The following RASGRP3 variants were observed in gnomAD, a reference collection of about 807,000 sequenced individuals.
RASGRP3 encodes the protein RAS guanyl releasing protein 3.
Under a neutral mutation model 82.7 loss-of-function variants are expected in RASGRP3, and 54 were observed. The ratio of observed to expected loss-of-function variants is 0.65; its 90% confidence interval spans 0.52 to 0.82. The LOEUF is 0.82. Ranked by LOEUF, RASGRP3 falls within the 40% of genes least tolerant of loss-of-function variation. The pLI is 0.00. For missense variants in RASGRP3, 861 were observed against 828.9 expected (o/e 1.04, Z -0.48); for synonymous variants, 309 against 300.5 (o/e 1.03, Z -0.29).
intron 1 of RASGRP3, among the ~76,000 whole-genome samples, chr2:33,483,486 A>ATTTTTT (rs202150682): frequency 3.2e-5 from 4 of 125,930 alleles, no homozygotes; most frequent in African/African-American, 1.2e-4. Flanking sequence ...TTTAGCCACT[A>ATTTTTT]TTTTTTTTTT....
chr2:33,503,060 A>C (rs957254509), intron 1 of RASGRP3, among the ~76,000 whole-genome samples: 3 of 152,212 alleles, frequency 2.0e-5, no homozygotes, highest in African/African-American at 7.2e-5. Flanking sequence ...TCCCATATGT[A>C]AATCTGTTAT....
intron 1 of RASGRP3, among the ~76,000 whole-genome samples, chr2:33,510,597 C>T (rs1481281926): frequency 3.3e-5 from 5 of 152,208 alleles, no homozygotes; most frequent in Admixed American, 6.5e-5. Context: ...TGGTCCTCTA[C>T]TTCAGGCCTC....
chr2:33,507,724 C>T (rs1019250229), intron 1 of RASGRP3, among the ~76,000 whole-genome samples: 1 of 152,178 alleles, frequency 6.6e-6, no homozygotes, highest in South Asian at 2.1e-4. Context: ...TGGGGTTTCA[C>T]CATGTTGGCC....
rs747457245 is a variant in RASGRP3, at chr2:33,507,431, T to C, written c.-260-4279T>C. On this transcript the variant is annotated intron_variant, in intron 1 of 17. Transcript: ENST00000403687. ...GAGAGTGTGAGTGGTGGGGCAGAGA[T>C]GCAGAAAGCCTAGTGGGGAAGGTGG... Among the ~76,000 whole-genome samples the C allele has an allele frequency of 3.7e-4, 56 of 152,112 alleles. 1 individual carries two copies. Among genetic ancestry groups the C allele is most frequent in the Non-Finnish European group, 4.1e-4 (28 of 68,022 alleles).
At chr2:33,556,535 C>T (rs1292395579) in intron 15 of RASGRP3, among the ~76,000 whole-genome samples, 2 of 88,566 alleles carry the variant, frequency 2.3e-5, no homozygotes, top group Non-Finnish European at 4.1e-5. Context: ...GCGTGAGCCA[C>T]CGCGCCCGGC....
intron 1 of RASGRP3, among the ~76,000 whole-genome samples, 165 bp downstream of exon 1, chr2:33,476,872 C>T (rs953598532): frequency 6.6e-6 from 1 of 151,316 alleles, no homozygotes; most frequent in Non-Finnish European, 1.5e-5. Flanking sequence ...TTATTTGTAC[C>T]TGTTAACAGC....
rs371780555 is a variant in RASGRP3, at chr2:33,543,599, G to A, written c.1366G>A (p.Asp456Asn). 5.2e-5 allele frequency: 83 copies of A among 1,606,106 alleles called. 1 individual carries two copies. The highest frequency in any genetic ancestry group is 3.3e-5 in the Admixed American group (2 of 59,840). ...ESIAANFPFL[D>N]SFCVLDKDQD... ...TATAGCTGCCAATTTTCCCTTCTTG[G>A]ATTCCTTCTGTGTTCTGGACAAAGA... is the stretch of plus-strand genomic sequence containing the variant. The change falls in exon 13 of 18, where the codon GAT (aspartate) becomes AAT (asparagine). Residue 456 changes from aspartate to asparagine, a missense_variant. By Grantham distance (23) the Asp-to-Asn change is conservative. Coordinates refer to ENST00000403687, the MANE Select transcript of RASGRP3 (RefSeq NM_001139488.2).
At chr2:33,448,894 T>TA (rs1296050789) in intron 2 of RASGRP3, among the ~76,000 whole-genome samples, 7 of 152,236 alleles carry the variant, frequency 4.6e-5, no homozygotes, top group African/African-American at 1.7e-4. Context: ...GGTATGTGAA[T>TA]TATGTTTCAA....
intron 1 of RASGRP3, among the ~76,000 whole-genome samples, chr2:33,488,250 A>C (rs999618757): frequency 6.6e-6 from 1 of 152,224 alleles, no homozygotes; most frequent in Admixed American, 6.5e-5. Context: ...AATAAGTGTT[A>C]ATTGAATTTG....
At chr2:33,530,964 T>C (rs1385441136) in intron 10 of RASGRP3, 1 of 152,240 alleles carries the variant, frequency 6.6e-6, no homozygotes, top group African/African-American at 2.4e-5. Flanking sequence ...AGTTTGAATC[T>C]TTTCATGGTA....
intron 1 of RASGRP3, among the ~76,000 whole-genome samples, chr2:33,488,385 A>G (rs1474129310): frequency 6.6e-6 from 1 of 152,200 alleles, no homozygotes; most frequent in Admixed American, 6.5e-5. Flanking sequence ...ACAACTCTGA[A>G]TAGTAATAAT....
At chr2:33,436,701 T>A (rs1410588430) in intron 1 of RASGRP3, 1 of 152,246 alleles carries the variant, frequency 6.6e-6, no homozygotes, top group African/African-American at 2.4e-5. Context: ...CTCATGTAAC[T>A]TTTCAATATG....
intron 2 of RASGRP3, among the ~76,000 whole-genome samples, chr2:33,457,151 G>A (rs1349919494): frequency 1.3e-5 from 2 of 152,122 alleles, no homozygotes; most frequent in East Asian, 1.9e-4. Context: ...GGTTACAGGT[G>A]CGAGCCGCCA....
intron 1 of RASGRP3, among the ~76,000 whole-genome samples, chr2:33,500,318 A>C (rs959735646): frequency 7.9e-5 from 12 of 152,128 alleles, no homozygotes; most frequent in African/African-American, 2.7e-4. Context: ...TCAATCTGAT[A>C]ATTTGGAAAG....
upstream of RASGRP3, among the ~76,000 whole-genome samples, chr2:33,475,574 A>G (rs981552585): frequency 3.3e-5 from 5 of 152,148 alleles, no homozygotes; most frequent in Non-Finnish European, 5.9e-5. Context: ...CCTCTATGTC[A>G]TATCTCTACC....
At chr2:33,449,270 G>A (rs1574226386) in intron 2 of RASGRP3, among the ~76,000 whole-genome samples, 2 of 152,312 alleles carry the variant, frequency 1.3e-5, no homozygotes, top group Admixed American at 1.3e-4. Flanking sequence ...AGTATGCAGA[G>A]TTACCTTGCA....
intron 1 of RASGRP3, among the ~76,000 whole-genome samples, chr2:33,480,638 A>G (rs2150935974): frequency 6.6e-6 from 1 of 152,350 alleles, no homozygotes; most frequent in East Asian, 1.9e-4. Context: ...CAATAAGGAA[A>G]CACATTCTGG....
chr2:33,519,334 C>T (rs1005328038), intron 4 of RASGRP3, among the ~76,000 whole-genome samples: 9 of 152,212 alleles, frequency 5.9e-5, no homozygotes, highest in South Asian at 2.1e-4. Context: ...TAGTGTTTCT[C>T]GGCCAGGCGC....
intron 13 of RASGRP3, among the ~76,000 whole-genome samples, chr2:33,544,117 C>T (rs1456395890): frequency 6.6e-6 from 1 of 152,044 alleles, no homozygotes; most frequent in Admixed American, 6.5e-5. Context: ...AGTTAAAGAC[C>T]AGCCTGGCCA....
Sources: gnomAD v4.1 joint callset for allele counts (sites outside exome capture counted in the v4.1 genomes callset) on GRCh38, gnomAD v4.1.1 for gene constraint, MANE v1.5 for transcripts, NCBI Gene and HGNC (gene_info 2026-07-23, HGNC 2026-07-21) for gene names.